Variants in GRK3 observed in about 807,000 individuals in gnomAD.
GRK3 encodes the protein G protein-coupled receptor kinase 3, also known as adrenergic, beta, receptor kinase 2.
GRK3 carries 54 observed loss-of-function variants against 95.7 expected under a neutral mutation model. The observed-to-expected ratio is 0.56, with a 90% CI of 0.45 to 0.71. The LOEUF (loss-of-function observed/expected upper bound fraction) is 0.71, where lower values mean the gene tolerates loss of function less well. Ranked by LOEUF, GRK3 falls within the 30% of genes least tolerant of loss-of-function variation. GRK3 has a pLI of 0.00. For synonymous variants in GRK3, 281 were observed against 290.8 expected (o/e 0.97, Z 0.34); for missense variants, 649 against 851.2 (o/e 0.76, Z 2.96).
At chr22:25,658,304 T>A (rs897777292) in intron 3 of GRK3, among the ~76,000 whole-genome samples, 1 of 152,206 alleles carries the variant, frequency 6.6e-6, no homozygotes, top group Admixed American at 6.5e-5. Flanking sequence ...TCTGTTATGC[T>A]CCTCCAAGGT....
Position 25,727,741 on chromosome 22 carries a change from A to C in GRK3, c.*5291A>C, listed in dbSNP as rs1324712572. 6.6e-6 allele frequency: 1 copy of C among 152,212 alleles called. No individual in the cohort carries two copies. The highest frequency in any genetic ancestry group is 1.5e-5 in the Non-Finnish European group (1 of 68,036). The allele number at this position is 152,212 out of a possible 1,614,324, so 9.4% of individuals were successfully genotyped here. On this transcript the variant is annotated 3_prime_UTR_variant, in exon 21 of 21. Coordinates refer to ENST00000324198, the MANE Select transcript of GRK3 (RefSeq NM_005160.4). ...ATGCTTCCATTTTTAATTTTGTCCT[A>C]AATATCAGATGTCTTTGATGTAAGG... is the stretch of plus-strand genomic sequence containing the variant.
In GRK3 at chr22:25,721,294, T is replaced by C; in HGVS notation, c.1802T>C (p.Leu601Pro). 6.4e-7 allele frequency: 1 copy of C among 1,562,686 alleles called. No individual in the cohort carries two copies. Among genetic ancestry groups the C allele is most frequent in the Non-Finnish European group, 8.7e-7 (1 of 1,153,460 alleles). ...RGEGESRQNL[L>P]TMEQILSVEE... ...TGTTTTTATGGTTAGCAAAATTTAC[T>C]GACAATGGAACAGATTCTCTCTGTG... Residue 601 changes from leucine to proline, a missense_variant, in exon 20 of 21, where the codon CTG becomes CCG. Around this residue, in one of 3 missense-constraint regions of GRK3, gnomAD observed 382 missense variants for 493.8 expected, o/e 0.77. Transcript: ENST00000324198.
chr22:25,674,791 T>C (rs1210945797), intron 8 of GRK3, among the ~76,000 whole-genome samples: 1 of 151,858 alleles, frequency 6.6e-6, no homozygotes, highest in Admixed American at 6.6e-5. Context: ...CTACTAAAAA[T>C]ACAAAAAATT....
intron 1 of GRK3, among the ~76,000 whole-genome samples, chr22:25,594,762 C>T (rs1269140412): frequency 6.6e-6 from 1 of 151,902 alleles, no homozygotes; most frequent in African/African-American, 2.4e-5. Flanking sequence ...CCTGTAGTCC[C>T]AGGTACTCGG....
At chr22:25,588,562 C>T (rs1341605358) in intron 1 of GRK3, among the ~76,000 whole-genome samples, 5 of 152,190 alleles carry the variant, frequency 3.3e-5, no homozygotes, top group South Asian at 2.1e-4. Flanking sequence ...GTGGTCAAGT[C>T]TTTATTGTGA....
rs11703654 is a variant in GRK3 at position 25,690,670 on chromosome 22, C to T, written c.1052+387C>T. On this transcript the variant is annotated intron_variant, in intron 12 of 20. Transcript: ENST00000324198. ...AAAGAGACTGTGCCTAGAAAGGCAC[C>T]GGGGCAGCTGCGTGGATGTGGTCAA... 3.9e-3 allele frequency among the ~76,000 whole-genome samples: 597 copies of T among 152,200 alleles called. 3 individuals are homozygous for T. The highest frequency in any genetic ancestry group is 6.6e-3 in the Non-Finnish European group (446 of 68,000).
chr22:25,587,649 C>G (rs1932359508), intron 1 of GRK3, among the ~76,000 whole-genome samples: 1 of 152,044 alleles, frequency 6.6e-6, no homozygotes, highest in Admixed American at 6.6e-5. Flanking sequence ...TATCCCCACC[C>G]AAATCTCATC....
chr22:25,641,978 A>G (rs2084746584), intron 2 of GRK3, among the ~76,000 whole-genome samples: 1 of 152,244 alleles, frequency 6.6e-6, no homozygotes, highest in South Asian at 2.1e-4. Flanking sequence ...AAACATCTCT[A>G]ATTTGATCAA....
At chr22:25,694,630 C>G (rs1297516676) in intron 12 of GRK3, among the ~76,000 whole-genome samples, 1 of 152,158 alleles carries the variant, frequency 6.6e-6, no homozygotes, top group African/African-American at 2.4e-5. Context: ...CATGACCAAG[C>G]CGATGCCCCT....
At chr22:25,720,881 G>A (rs2085426886) in intron 19 of GRK3, among the ~76,000 whole-genome samples, 1 of 152,190 alleles carries the variant, frequency 6.6e-6, no homozygotes, top group South Asian at 2.1e-4. Context: ...CATTTACTGA[G>A]TTGCTGCCTT....
rs557577981 is a variant in GRK3 at position 25,659,046 on chromosome 22, T to C, written c.265-2530T>C. On this transcript the variant is annotated intron_variant, in intron 3 of 20. Transcript: ENST00000324198. Reference sequence around the variant, plus strand: ...GACTTAGTCATCAGAATATAATTGATATTTGAAACTGTGGGACTACATAGC... The same window carrying C: ...GACTTAGTCATCAGAATATAATTGACATTTGAAACTGTGGGACTACATAGC... Among the ~76,000 whole-genome samples, 11 of 152,250 alleles carry C rather than the reference T, an allele frequency of 7.2e-5. No individual in the cohort carries two copies. In the East Asian group the frequency reaches 2.1e-3, roughly 29 times the overall value.
chr22:25,685,356 T>C, intron 10 of GRK3, 108 bp downstream of exon 10: 1 of 852,030 alleles, frequency 1.2e-6, no homozygotes, highest in Non-Finnish European at 2.0e-6. Flanking sequence ...TTCAGGTAAT[T>C]AGGTTCCCCC....
chr22:25,581,902 A>G (rs182613957), intron 1 of GRK3, among the ~76,000 whole-genome samples: 53 of 152,208 alleles, frequency 3.5e-4, no homozygotes, highest in Admixed American at 1.2e-3. Context: ...AGTCTCTCTT[A>G]TTAAAATTAT....
At chr22:25,703,882 T>C (rs1170035450) in intron 14 of GRK3, among the ~76,000 whole-genome samples, 1 of 152,190 alleles carries the variant, frequency 6.6e-6, no homozygotes, top group Non-Finnish European at 1.5e-5. Context: ...ATTACTGAGA[T>C]GCCAACGAAT....
At chr22:25,698,839 G>A (rs2085232707) in intron 13 of GRK3, among the ~76,000 whole-genome samples, 2 of 152,152 alleles carry the variant, frequency 1.3e-5, no homozygotes, top group African/African-American at 2.4e-5. Context: ...AACCTGACAG[G>A]AGCAAATGAC....
chr22:25,582,677 A>G (rs1328564851), intron 1 of GRK3, among the ~76,000 whole-genome samples: 1 of 152,264 alleles, frequency 6.6e-6, no homozygotes, highest in East Asian at 1.9e-4. Context: ...ATGTGTACAC[A>G]TATCAGTTTG....
At chr22:25,665,736 A>G (rs1415834133) in intron 5 of GRK3, among the ~76,000 whole-genome samples, 1 of 152,218 alleles carries the variant, frequency 6.6e-6, no homozygotes, top group Non-Finnish European at 1.5e-5. Context: ...AGTAAAAGGT[A>G]TATGTCTGAA....
intron 2 of GRK3, among the ~76,000 whole-genome samples, chr22:25,633,585 T>C (rs2146370451): frequency 6.6e-6 from 1 of 152,250 alleles, no homozygotes; most frequent in Admixed American, 6.5e-5. Flanking sequence ...GTCCTGTTGC[T>C]TAAGTTTAAA....
intron 1 of GRK3, among the ~76,000 whole-genome samples, chr22:25,581,807 AG>A (rs1270794478): frequency 6.6e-6 from 1 of 151,498 alleles, no homozygotes; most frequent in Non-Finnish European, 1.5e-5. Flanking sequence ...TAAATTTAGC[AG>A]AAAAAAAAAA....
Sources: allele counts gnomAD v4.1 joint callset (sites outside exome capture counted in the v4.1 genomes callset), GRCh38; gene constraint gnomAD v4.1.1; regional missense constraint gnomAD v4.1.1; transcripts MANE v1.5; gene names NCBI Gene and HGNC (gene_info 2026-07-23, HGNC 2026-07-21).